Variants in EEA1 observed in about 807,000 individuals in gnomAD.
EEA1 encodes early endosome antigen 1, 162kD.
In EEA1, 111 loss-of-function variants were observed where a neutral mutation model predicts 209.2. The observed-to-expected ratio is 0.53, with a 90% CI of 0.45 to 0.62. The LOEUF (loss-of-function observed/expected upper bound fraction) is 0.62. Ranked by LOEUF, EEA1 falls within the 20% of genes least tolerant of loss-of-function variation. EEA1 has a pLI of 0.00. For missense variants in EEA1, 1,343 were observed against 1,530.8 expected, an observed-to-expected ratio of 0.88 and a Z score of 2.05; for synonymous variants, 536 against 540.6, an observed-to-expected ratio of 0.99 and a Z score of 0.12.
chr12:92,928,997 G>T (rs1390333123), intron 1 of EEA1, 46 bp downstream of exon 1: 1 of 1,564,820 alleles, frequency 6.4e-7, no homozygotes, highest in Admixed American at 1.8e-5. Flanking sequence ...CCGAGCTCCG[G>T]CTGTCCCGCT....
intron 21 of EEA1, among the ~76,000 whole-genome samples, chr12:92,788,410 T>C (rs1874234819): frequency 6.6e-6 from 1 of 152,132 alleles, no homozygotes; most frequent in Non-Finnish European, 1.5e-5. Context: ...GGGAAACTTG[T>C]ACATGAAAGA....
At chr12:92,796,330 G>GCA (rs1874653090) in intron 21 of EEA1, among the ~76,000 whole-genome samples, 1 of 151,918 alleles carries the variant, frequency 6.6e-6, no homozygotes, top group Non-Finnish European at 1.5e-5. Context: ...TATATATAAT[G>GCA]TTTTAAATCA....
At position 92,861,725 on chromosome 12, in the gene EEA1, C is replaced by T. The variant is rs183160358; in HGVS notation, c.245+3135G>A. On this transcript the variant is annotated intron_variant, in intron 3 of 28. Coordinates refer to ENST00000322349, the MANE Select transcript of EEA1 (RefSeq NM_003566.4). ...GAGAGAAACAAAAGATACAGAACAA[C>T]GTAGAATTGCTATCTTTTATATAAT... Among the ~76,000 whole-genome samples, 26 of 151,832 alleles carry T rather than the reference C, an allele frequency of 1.7e-4. No homozygotes were observed. In the East Asian group the frequency reaches 2.5e-3, roughly 15 times the overall value.
rs576809525 is a variant in EEA1, at chr12:92,884,543, A to C, written c.117+7086T>G. 745 of 1,498,084 alleles carry C rather than the reference A, an allele frequency of 5.0e-4. 1 individual carries two copies. In the African/African-American group the frequency reaches 6.5e-3, roughly 13 times the overall value. The allele number at this position is 1,498,084 out of a possible 1,614,324, so 92.8% of individuals were successfully genotyped here. Reference sequence around the variant, plus strand: ...CTACAATGATTTTGGCAATTACAACAATCAGTCTTCAAATTTTGGACCCAT... The same window carrying C: ...CTACAATGATTTTGGCAATTACAACCATCAGTCTTCAAATTTTGGACCCAT... On this transcript the variant is annotated intron_variant, in intron 2 of 28. Transcript: ENST00000322349.
intron 21 of EEA1, among the ~76,000 whole-genome samples, chr12:92,793,716 T>C (rs995806702): frequency 2.0e-5 from 3 of 152,132 alleles, no homozygotes; most frequent in Admixed American, 1.3e-4. Flanking sequence ...CCAAAGTAAT[T>C]TATAGATTCA....
chr12:92,787,222 A>G (rs1874173519), intron 22 of EEA1, among the ~76,000 whole-genome samples: 1 of 152,168 alleles, frequency 6.6e-6, no homozygotes, highest in Non-Finnish European at 1.5e-5. Context: ...GAGAGACAGA[A>G]AAAAAACTGG....
chr12:92,869,720 T>G (rs1203772936), intron 2 of EEA1, among the ~76,000 whole-genome samples: 5 of 111,462 alleles, frequency 4.5e-5, no homozygotes, highest in Admixed American at 1.4e-4. Context: ...ACCACTGCAC[T>G]CCAGCCTGGG....
chr12:92,860,834 C>G (rs1472293819), intron 3 of EEA1, among the ~76,000 whole-genome samples: 1 of 150,814 alleles, frequency 6.6e-6, no homozygotes. Flanking sequence ...GTCTGGTTCT[C>G]AATTCCAACA....
At chr12:92,858,154 G>C (rs1439067298) in intron 3 of EEA1, 2 of 615,044 alleles carry the variant, frequency 3.3e-6, no homozygotes, top group South Asian at 1.8e-5. Flanking sequence ...CAGAGTTGGT[G>C]GGGGAAGGCC....
At chr12:92,897,057 G>C (rs1034093182) in intron 1 of EEA1, among the ~76,000 whole-genome samples, 7 of 152,116 alleles carry the variant, frequency 4.6e-5, no homozygotes, top group Non-Finnish European at 7.4e-5. Context: ...TTCACCTGTA[G>C]TCCCAGCTAC....
At chr12:92,893,750 ACTTT>A (rs1565853732) in intron 1 of EEA1, among the ~76,000 whole-genome samples, 1 of 152,020 alleles carries the variant, frequency 6.6e-6, no homozygotes, top group Non-Finnish European at 1.5e-5. Flanking sequence ...TCATTTTGCT[ACTTT>A]TTTTTTCAGA....
At chr12:92,924,552 G>A (rs1321470966) in intron 1 of EEA1, among the ~76,000 whole-genome samples, 1 of 151,908 alleles carries the variant, frequency 6.6e-6, no homozygotes, top group East Asian at 1.9e-4. Context: ...AACTTTATAA[G>A]GAGGCTAGTA....
intron 1 of EEA1, among the ~76,000 whole-genome samples, chr12:92,928,644 C>T (rs1450808545): frequency 2.0e-5 from 3 of 152,058 alleles, no homozygotes; most frequent in Non-Finnish European, 2.9e-5. Context: ...AAGCAAGCCG[C>T]CCGAATCTCC....
chr12:92,809,039 GT>G lies in EEA1; in HGVS notation c.2316del (p.Lys772AsnfsTer9). On this transcript the variant is annotated frameshift_variant, in exon 18 of 29. Coordinates refer to ENST00000322349, the MANE Select transcript of EEA1 (RefSeq NM_003566.4). LOFTEE classifies it high-confidence loss of function. ...TACATTTCCTTCTCCATTTCAAGTTGTTTACTCAATTCTGTGGCTCTGAGCT... is the reference window on the plus strand; with the variant it reads ...TACATTTCCTTCTCCATTTCAAGTTGTTACTCAATTCTGTGGCTCTGAGCT... The part of the protein sequence containing the change: ...DLELRATELS[K>X]QLEMEKEIVS... 1 of 1,595,974 alleles carries G rather than the reference GT, an allele frequency of 6.3e-7. No individual in the cohort carries two copies. The highest frequency in any genetic ancestry group is 8.5e-7 in the Non-Finnish European group (1 of 1,171,274).
At chr12:92,799,526 C>A (rs1222423738) in intron 20 of EEA1, among the ~76,000 whole-genome samples, 1 of 152,174 alleles carries the variant, frequency 6.6e-6, no homozygotes, top group Non-Finnish European at 1.5e-5. Flanking sequence ...GTGGCTCACA[C>A]CTGTAATCCC....
chr12:92,922,212 C>G (rs1245966795), intron 1 of EEA1, among the ~76,000 whole-genome samples: 1 of 152,122 alleles, frequency 6.6e-6, no homozygotes, highest in Non-Finnish European at 1.5e-5. Context: ...GAAGTCCAGA[C>G]CTCTAGTTCA....
chr12:92,808,061 G>A lies in EEA1; in HGVS notation c.2339+956C>T, dbSNP rs1396171566. Among the ~76,000 whole-genome samples the A allele has an allele frequency of 2.6e-5, 4 of 151,886 alleles. No individual in the cohort carries two copies. In the East Asian group the frequency reaches 7.7e-4, roughly 29 times the overall value. On this transcript the variant is annotated intron_variant, in intron 18 of 28. Coordinates refer to ENST00000322349, the MANE Select transcript of EEA1 (RefSeq NM_003566.4). ...TATGGTATATTAAAAATATCTTCTG[G>A]TTTCTTTTGTGTGTTATGCCACACC... is the stretch of plus-strand genomic sequence containing the variant.
intron 3 of EEA1, among the ~76,000 whole-genome samples, chr12:92,864,186 T>C (rs1453529525): frequency 2.0e-5 from 3 of 152,302 alleles, no homozygotes; most frequent in East Asian, 1.9e-4. Context: ...TTTTCCTTTA[T>C]GTAGTATTCT....
Position 92,782,001 on chromosome 12 carries a change from T to C in EEA1, c.3285A>G (p.Glu1095=), listed in dbSNP as rs769776599. The C allele has an allele frequency of 3.7e-5, 59 of 1,613,336 alleles. No individual in the cohort carries two copies. The East Asian group carries it at 1.3e-3, about 36-fold the overall frequency. ...ATLEQDSAKK[E]QQLQERCKAL... ...CTTTACATCGCTCCTGCAATTGCTG[T>C]TCTTTCTTTGCTGAATCCTGCTCCA... Residue 1095 remains glutamate, a synonymous_variant, in exon 23 of 29, where the codon GAA becomes GAG. Transcript: ENST00000322349.
Sources: gnomAD v4.1 joint callset for allele counts (sites outside exome capture counted in the v4.1 genomes callset) on GRCh38, gnomAD v4.1.1 for gene constraint, MANE v1.5 for transcripts, NCBI Gene and HGNC (gene_info 2026-07-23, HGNC 2026-07-21) for gene names.